The following ERBB4 variants were observed in gnomAD, a reference collection of about 807,000 sequenced individuals.
ERBB4 encodes the protein erb-b2 receptor tyrosine kinase 4, also known as receptor tyrosine-protein kinase erbB-4.
ERBB4 carries 42 observed loss-of-function variants against 158.0 expected under a neutral mutation model. That is an observed-to-expected ratio of 0.27 (90% CI 0.21 to 0.34). ERBB4 has a LOEUF of 0.34. Among genes scored for constraint, ERBB4 ranks in the 10% least tolerant of loss-of-function variants. ERBB4 has a pLI of 1.00. For synonymous variants in ERBB4, 583 were observed against 558.7 expected (o/e 1.04, Z -0.61); for missense variants, 1,333 against 1,624.1 (o/e 0.82, Z 3.08).
intron 1 of ERBB4, among the ~76,000 whole-genome samples, chr2:212,536,244 T>C (rs114598754): frequency 0.02 from 3,039 of 151,268 alleles, 43 homozygotes; most frequent in Non-Finnish European, 0.032. Flanking sequence ...CCCCAGACAG[T>C]AACTTGTTTT....
chr2:212,511,597 G>A (rs1349330225), intron 1 of ERBB4, among the ~76,000 whole-genome samples: 1 of 151,976 alleles, frequency 6.6e-6, no homozygotes, highest in Non-Finnish European at 1.5e-5. Flanking sequence ...TCTGTGAAAC[G>A]AATAGATACT....
intron 2 of ERBB4, among the ~76,000 whole-genome samples, chr2:212,039,838 C>T (rs1273816528): frequency 2.0e-5 from 3 of 150,652 alleles, no homozygotes; most frequent in Non-Finnish European, 3.0e-5. Flanking sequence ...CCTACCACCA[C>T]AAAAAAAAGA....
chr2:211,827,578 T>C (rs773750105), intron 3 of ERBB4, among the ~76,000 whole-genome samples: 10 of 151,982 alleles, frequency 6.6e-5, no homozygotes, highest in Non-Finnish European at 1.2e-4. Flanking sequence ...TTTTTCAATC[T>C]TGCTGATATA....
chr2:212,251,933 A>T (rs2106051915), intron 1 of ERBB4, among the ~76,000 whole-genome samples: 1 of 152,112 alleles, frequency 6.6e-6, no homozygotes, highest in African/African-American at 2.4e-5. Context: ...AAGGGTAAAA[A>T]CAAGACTAGA....
rs1410876515 is a variant in ERBB4 at position 211,722,502 on chromosome 2, A to G, written c.774T>C (p.Cys258=). The change falls in exon 7 of 28, where the codon TGT becomes TGC. Residue 258 remains cysteine (C), a synonymous_variant. Transcript: ENST00000342788. ...CAAAGGTTTGGGGACACTGAGTAAC[A>G]CATGCTCCACTGTCATTGAAATTCA... ...ACMNFNDSGA[C]VTQCPQTFVY... is the part of the protein sequence containing the mutation. 6.2e-7 allele frequency: 1 copy of G among 1,614,034 alleles called. No homozygotes were observed. The highest frequency in any genetic ancestry group is 2.2e-5 in the East Asian group (1 of 44,860).
Position 212,379,649 on chromosome 2 carries a change from A to G in ERBB4, c.82+158800T>C, listed in dbSNP as rs571621754. Among the ~76,000 whole-genome samples, 119 of 151,762 alleles carry G rather than the reference A, an allele frequency of 7.8e-4. 1 individual carries two copies. Among genetic ancestry groups the G allele is most frequent in the African/African-American group, 2.7e-3 (114 of 41,534 alleles). ...ACTATTTTTGGCAATGGGAAAAAAG[A>G]AAATGGAAAAAGAAATCAAGTGGAA... On this transcript the variant is annotated intron_variant, in intron 1 of 27. Coordinates refer to ENST00000342788, the MANE Select transcript of ERBB4 (RefSeq NM_005235.3).
chr2:211,969,475 C>G (rs999303135), intron 2 of ERBB4, among the ~76,000 whole-genome samples: 7 of 151,972 alleles, frequency 4.6e-5, no homozygotes, highest in African/African-American at 9.7e-5. Flanking sequence ...TGGATTAGGT[C>G]TTTCTCCACA....
chr2:212,177,347 G>A (rs1397703699), intron 1 of ERBB4, among the ~76,000 whole-genome samples: 2 of 151,740 alleles, frequency 1.3e-5, no homozygotes, highest in Non-Finnish European at 2.9e-5. Flanking sequence ...TAAGAACTAT[G>A]CATCAAATCA....
rs529888723 is a variant in ERBB4 at position 211,906,703 on chromosome 2, C to T, written c.421+40727G>A. Among the ~76,000 whole-genome samples the T allele has an allele frequency of 9.6e-4, 145 of 151,528 alleles. 2 individuals are homozygous for T. The highest frequency in any genetic ancestry group is 3.2e-3 in the African/African-American group (134 of 41,458). On this transcript the variant is annotated intron_variant, in intron 3 of 27. Coordinates refer to ENST00000342788, the MANE Select transcript of ERBB4 (RefSeq NM_005235.3). ...TTTTTTTCTGATCCTCTCCCTCCTC[C>T]CACCCTCTACCCTCAAGTAGGCCAC...
intron 1 of ERBB4, among the ~76,000 whole-genome samples, chr2:212,452,758 G>A (rs948780930): frequency 6.6e-6 from 1 of 152,006 alleles, no homozygotes; most frequent in African/African-American, 2.4e-5. Context: ...AAATTCATTT[G>A]ACCAATTAAT....
At chr2:211,647,025 A>C (rs1471690605) in intron 16 of ERBB4, among the ~76,000 whole-genome samples, 1 of 151,646 alleles carries the variant, frequency 6.6e-6, no homozygotes, top group Admixed American at 6.6e-5. Context: ...TTTCATCTAC[A>C]ATCTCAAAGA....
chr2:211,452,776 T>G lies in ERBB4; in HGVS notation c.2488-21676A>C, dbSNP rs562487655. ...TTACATTTCAAAGACACCACACTAG[T>G]TAGGCACTTCACTGGGTTTTACCTG... On this transcript the variant is annotated intron_variant, in intron 20 of 27. Coordinates refer to ENST00000342788, the MANE Select transcript of ERBB4 (RefSeq NM_005235.3). Among the ~76,000 whole-genome samples, 197 of 152,284 alleles carry G rather than the reference T, an allele frequency of 1.3e-3. 1 individual carries two copies. The highest frequency in any genetic ancestry group is 4.4e-3 in the African/African-American group (182 of 41,562).
intron 2 of ERBB4, among the ~76,000 whole-genome samples, chr2:212,008,180 C>A (rs2076299511): frequency 1.3e-5 from 2 of 152,010 alleles, no homozygotes; most frequent in African/African-American, 4.8e-5. Flanking sequence ...TATCTTTAAT[C>A]AGCATTATTT....
At chr2:211,539,347 G>C (rs2066737604) in intron 20 of ERBB4, among the ~76,000 whole-genome samples, 1 of 151,790 alleles carries the variant, frequency 6.6e-6, no homozygotes, top group African/African-American at 2.4e-5. Flanking sequence ...TAAAAACTTT[G>C]CAAATGCCTT....
intron 25 of ERBB4, among the ~76,000 whole-genome samples, chr2:211,414,825 C>G (rs1413599926): frequency 6.6e-6 from 1 of 152,130 alleles, no homozygotes. Flanking sequence ...CGATTTCTAG[C>G]TCTTTTTCTT....
chr2:211,660,441 A>G (rs1209431055), intron 15 of ERBB4, among the ~76,000 whole-genome samples: 1 of 152,238 alleles, frequency 6.6e-6, no homozygotes, highest in Non-Finnish European at 1.5e-5. Flanking sequence ...AAATGATCAA[A>G]GGAGTTAAAG....
At chr2:211,890,608 G>A (rs2078937115) in intron 3 of ERBB4, among the ~76,000 whole-genome samples, 1 of 143,386 alleles carries the variant, frequency 7.0e-6, no homozygotes, top group Non-Finnish European at 1.5e-5. Flanking sequence ...GACACAGACT[G>A]GCAAATTGGA....
intron 2 of ERBB4, among the ~76,000 whole-genome samples, chr2:212,065,221 G>A (rs756698405): frequency 6.6e-6 from 1 of 151,984 alleles, no homozygotes; most frequent in African/African-American, 2.4e-5. Flanking sequence ...CTTCCTGGAA[G>A]TTAGTTTGCC....
chr2:212,174,259 T>C (rs1052077463), intron 1 of ERBB4, among the ~76,000 whole-genome samples: 1 of 152,152 alleles, frequency 6.6e-6, no homozygotes, highest in Non-Finnish European at 1.5e-5. Flanking sequence ...GCTATATTCA[T>C]GGTTTCAGTT....
Sources: allele counts gnomAD v4.1 joint callset (sites outside exome capture counted in the v4.1 genomes callset), GRCh38; gene constraint gnomAD v4.1.1; transcripts MANE v1.5; gene names NCBI Gene and HGNC (gene_info 2026-07-23, HGNC 2026-07-21).